Variants in SLC4A4 observed in about 807,000 individuals in gnomAD.
The protein encoded by SLC4A4 is solute carrier family 4 member 4.
In SLC4A4, 27 loss-of-function variants were observed where a neutral mutation model predicts 111.5. That is an observed-to-expected ratio of 0.24 (90% CI 0.18 to 0.33). The LOEUF (loss-of-function observed/expected upper bound fraction) is 0.33. Ranked by LOEUF, SLC4A4 falls within the 10% of genes least tolerant of loss-of-function variation. The pLI, the probability that SLC4A4 is intolerant of heterozygous loss-of-function variation, is 1.00. For missense variants in SLC4A4, 909 were observed against 1,315.5 expected, an observed-to-expected ratio of 0.69 and a Z score of 4.78; for synonymous variants, 443 against 463.4, an observed-to-expected ratio of 0.96 and a Z score of 0.57.
chr4:71,243,572 C>A (rs1377904260), intron 2 of SLC4A4, among the ~76,000 whole-genome samples: 1 of 151,994 alleles, frequency 6.6e-6, no homozygotes, highest in Non-Finnish European at 1.5e-5. Context: ...ATTTAGGTGA[C>A]TGAGGTGAGA....
chr4:71,074,913 T>C (rs1741765619), intron 1 of SLC4A4, among the ~76,000 whole-genome samples: 1 of 152,202 alleles, frequency 6.6e-6, no homozygotes, highest in African/African-American at 2.4e-5. Flanking sequence ...TCGTTGTTTG[T>C]TCTGACTTCT....
At chr4:71,151,003 T>C (rs1744300394) in intron 2 of SLC4A4, among the ~76,000 whole-genome samples, 1 of 152,232 alleles carries the variant, frequency 6.6e-6, no homozygotes. Flanking sequence ...CATGAAAATA[T>C]CCTGTGCTGT....
rs1161419230 is a variant in SLC4A4 at position 71,107,639 on chromosome 4, GCA to G, written c.-2+14849_-2+14850del. Among the ~76,000 whole-genome samples, 4 of 151,984 alleles carry G rather than the reference GCA, an allele frequency of 2.6e-5. No homozygotes were observed. In the East Asian group the frequency reaches 5.8e-4, roughly 22 times the overall value. On this transcript the variant is annotated intron_variant, in intron 2 of 26. Coordinates refer to the SLC4A4 transcript ENST00000649996. ...GCCGGGATTATAGACAAAAGACACT[GCA>G]CCCGGCTGTTTAGTTGATTTTTACA...
At chr4:71,240,815 T>A (rs1003073016) in intron 2 of SLC4A4, among the ~76,000 whole-genome samples, 6 of 152,180 alleles carry the variant, frequency 3.9e-5, no homozygotes, top group African/African-American at 1.4e-4. Context: ...TTAAATTTTT[T>A]TGTTAGAAAT....
intron 6 of SLC4A4, among the ~76,000 whole-genome samples, chr4:71,365,697 C>A (rs1183881736): frequency 6.6e-6 from 1 of 152,134 alleles, no homozygotes; most frequent in African/African-American, 2.4e-5. Flanking sequence ...GCCAGGATTT[C>A]TGTCTTTAGT....
intron 16 of SLC4A4, among the ~76,000 whole-genome samples, 183 bp downstream of exon 16, chr4:71,497,875 G>A (rs1730558152): frequency 6.6e-6 from 1 of 151,918 alleles, no homozygotes; most frequent in African/African-American, 2.4e-5. Flanking sequence ...GTCAAGCTTT[G>A]GAAAACCTTC....
intron 7 of SLC4A4, among the ~76,000 whole-genome samples, chr4:71,424,400 A>C (rs2149029784): frequency 6.6e-6 from 1 of 151,438 alleles, no homozygotes; most frequent in Non-Finnish European, 1.5e-5. Flanking sequence ...GTGGGACTGT[A>C]AACTAGTTCA....
chr4:71,293,571 G>C (rs1188627019), intron 3 of SLC4A4, among the ~76,000 whole-genome samples: 1 of 151,022 alleles, frequency 6.6e-6, no homozygotes, highest in Non-Finnish European at 1.5e-5. Flanking sequence ...AAAAAATCCA[G>C]AAAGAAATAA....
chr4:71,146,855 A>T (rs929987796), intron 2 of SLC4A4, among the ~76,000 whole-genome samples: 51 of 152,316 alleles, frequency 3.3e-4, no homozygotes, highest in African/African-American at 1.2e-3. Flanking sequence ...ACCAGCTAAC[A>T]TCATAATGAC....
chr4:71,298,991 T>C (rs1323296987), intron 3 of SLC4A4, among the ~76,000 whole-genome samples: 2 of 152,248 alleles, frequency 1.3e-5, no homozygotes, highest in African/African-American at 4.8e-5. Context: ...CTAGCTATTA[T>C]GTTTATTTTC....
At chr4:71,228,276 C>G (rs954633332) in intron 1 of SLC4A4, among the ~76,000 whole-genome samples, 3 of 152,142 alleles carry the variant, frequency 2.0e-5, no homozygotes, top group Non-Finnish European at 4.4e-5. Context: ...GAGACTTAGC[C>G]CTAGCATGGA....
intron 1 of SLC4A4, among the ~76,000 whole-genome samples, chr4:71,199,517 G>C (rs938358997): frequency 6.6e-6 from 1 of 152,154 alleles, no homozygotes; most frequent in African/African-American, 2.4e-5. Flanking sequence ...TTTTTTAAAT[G>C]TAATACTGTG....
intron 18 of SLC4A4, among the ~76,000 whole-genome samples, chr4:71,546,061 G>T (rs1698945725): frequency 6.6e-6 from 1 of 152,032 alleles, no homozygotes; most frequent in African/African-American, 2.4e-5. Context: ...ATTGTATACA[G>T]ATAGGTTAGG....
intron 2 of SLC4A4, among the ~76,000 whole-genome samples, chr4:71,146,017 C>G (rs1744155289): frequency 6.6e-6 from 1 of 152,096 alleles, no homozygotes; most frequent in Admixed American, 6.5e-5. Context: ...TCTTGCTTCT[C>G]TAGTTCTTTT....
intron 1 of SLC4A4, among the ~76,000 whole-genome samples, chr4:71,195,748 G>T (rs1250797315): frequency 6.6e-6 from 1 of 152,182 alleles, no homozygotes; most frequent in African/African-American, 2.4e-5. Flanking sequence ...AAAAACAAGG[G>T]TATACTATGG....
intron 16 of SLC4A4, among the ~76,000 whole-genome samples, chr4:71,515,513 C>T (rs1732303290): frequency 6.6e-6 from 1 of 152,080 alleles, no homozygotes; most frequent in Non-Finnish European, 1.5e-5. Context: ...CAGTTTAAAT[C>T]GGTGTTTCTT....
intron 23 of SLC4A4, among the ~76,000 whole-genome samples, chr4:71,562,085 A>T (rs962926948): frequency 2.6e-5 from 4 of 151,824 alleles, no homozygotes; most frequent in Non-Finnish European, 4.4e-5. Context: ...ATTTCCAACA[A>T]ATCCTATTTC....
intron 1 of SLC4A4, among the ~76,000 whole-genome samples, chr4:71,072,618 T>C (rs1040206123): frequency 6.6e-6 from 1 of 152,082 alleles, no homozygotes; most frequent in African/African-American, 2.4e-5. Context: ...CTAACAAAAA[T>C]TATGTTGATA....
chr4:71,172,231 T>C (rs1027377791), intron 2 of SLC4A4, among the ~76,000 whole-genome samples: 2 of 152,148 alleles, frequency 1.3e-5, no homozygotes, highest in African/African-American at 2.4e-5. Context: ...CCATTACATA[T>C]TCTAGCATAG....
Sources: gnomAD v4.1 joint callset for allele counts (sites outside exome capture counted in the v4.1 genomes callset) on GRCh38, gnomAD v4.1.1 for gene constraint, MANE v1.5 for transcripts, NCBI Gene and HGNC (gene_info 2026-07-23, HGNC 2026-07-21) for gene names.